The following SLC45A3 variants were observed in gnomAD, a reference collection of about 807,000 sequenced individuals.
SLC45A3 encodes prostate cancer associated protein 2.
SLC45A3 carries 17 observed loss-of-function variants against 35.3 expected under a neutral mutation model. The observed-to-expected ratio is 0.48, with a 90% CI of 0.33 to 0.72. The LOEUF is 0.72. Among genes scored for constraint, SLC45A3 ranks in the 30% least tolerant of loss-of-function variants. The pLI, the probability that SLC45A3 is intolerant of heterozygous loss-of-function variation, is 0.02. For missense variants in SLC45A3, 597 were observed against 731.7 expected, an observed-to-expected ratio of 0.82 and a Z score of 2.12; for synonymous variants, 288 against 334.3, an observed-to-expected ratio of 0.86 and a Z score of 1.51.
At chr1:205,668,520 CG>C (rs1266492948) in intron 1 of SLC45A3, among the ~76,000 whole-genome samples, 1 of 152,122 alleles carries the variant, frequency 6.6e-6, no homozygotes, top group African/African-American at 2.4e-5. Context: ...CCCAAGTCTG[CG>C]GAACTCCCCT....
intron 1 of SLC45A3, among the ~76,000 whole-genome samples, chr1:205,668,729 A>G (rs1167660877): frequency 6.6e-6 from 1 of 152,186 alleles, no homozygotes; most frequent in Non-Finnish European, 1.5e-5. Context: ...TCAGAAACGC[A>G]AGGAACAGGC....
chr1:205,679,221 G>A (rs1465349943), intron 1 of SLC45A3, among the ~76,000 whole-genome samples: 1 of 152,096 alleles, frequency 6.6e-6, no homozygotes, highest in Non-Finnish European at 1.5e-5. Flanking sequence ...GACCGGGTCT[G>A]TGTAACAGCT....
chr1:205,679,557 C>A (rs1671366051), intron 1 of SLC45A3, among the ~76,000 whole-genome samples: 1 of 152,290 alleles, frequency 6.6e-6, no homozygotes, highest in East Asian at 1.9e-4. Context: ...CTAGGTACCA[C>A]CACATCACAC....
chr1:205,660,539 G>A (rs76174744), intron 4 of SLC45A3, among the ~76,000 whole-genome samples: 2 of 152,208 alleles, frequency 1.3e-5, no homozygotes, highest in South Asian at 4.1e-4. Flanking sequence ...GGCTCACCAT[G>A]CAGCTCAACA....
Position 205,662,747 on chromosome 1 carries a change from G to A in SLC45A3, c.958+86C>T. Reference sequence around the variant, plus strand: ...TGACAGAGAAGTCGGGGCCAGGATGGAGAGGCACCAGCCCAGACACAGCCC... The same window carrying A: ...TGACAGAGAAGTCGGGGCCAGGATGAAGAGGCACCAGCCCAGACACAGCCC... On this transcript the variant is annotated intron_variant, in intron 3 of 4. Transcript: ENST00000367145. The surrounding 1 kb of genome is among the most constrained non-coding windows in gnomAD (Gnocchi z 6.2). The A allele has an allele frequency of 6.7e-7, 1 of 1,499,708 alleles. No homozygotes were observed. The highest frequency in any genetic ancestry group is 2.3e-5 in the East Asian group (1 of 43,746). The allele number at this position is 1,499,708 out of a possible 1,614,324, so 92.9% of individuals were successfully genotyped here.
rs1177745632 is a variant in SLC45A3 at position 205,662,281 on chromosome 1, A to G, written c.959-155T>C. The G allele has an allele frequency of 1.4e-6, 2 of 1,431,858 alleles. No homozygotes were observed. The highest frequency in any genetic ancestry group is 5.0e-5 in the East Asian group (2 of 39,762). 88.7% of individuals were successfully genotyped at this position (1,431,858 alleles called of 1,614,324 possible). On this transcript the variant is annotated intron_variant, in intron 3 of 4. Transcript: ENST00000367145. The surrounding 1 kb of genome is among the most constrained non-coding windows in gnomAD (Gnocchi z 6.2). The stretch of plus-strand genomic sequence containing the variant: ...CACCCTTCCCCTTTCTACCTCTAGC[A>G]ATGGGAGTCTAGGTTCTTCCACTGA...
At chr1:205,668,877 T>C (rs1671160608) in intron 1 of SLC45A3, among the ~76,000 whole-genome samples, 1 of 152,122 alleles carries the variant, frequency 6.6e-6, no homozygotes, top group Non-Finnish European at 1.5e-5. Context: ...CAGGTCATCC[T>C]TCCTCATCCT....
At chr1:205,678,415 C>G (rs1231530290) in intron 1 of SLC45A3, among the ~76,000 whole-genome samples, 1 of 152,210 alleles carries the variant, frequency 6.6e-6, no homozygotes, top group East Asian at 1.9e-4. Context: ...TTCAAGTTAA[C>G]TTTACTTTGA....
intron 1 of SLC45A3, among the ~76,000 whole-genome samples, chr1:205,665,800 A>G (rs919240364): frequency 4.6e-5 from 7 of 152,188 alleles, no homozygotes; most frequent in Non-Finnish European, 8.8e-5. Context: ...AGAAAGAACC[A>G]TCCTGTACCT....
Position 205,663,249 on chromosome 1 carries a change from A to G in SLC45A3, c.542T>C (p.Ile181Thr). 2 of 1,613,660 alleles carry G rather than the reference A, an allele frequency of 1.2e-6. No individual in the cohort carries two copies. Among genetic ancestry groups the G allele is most frequent in the Non-Finnish European group, 1.7e-6 (2 of 1,180,018 alleles). ...GGCCAGGGCACTGGTGTCCCAGTCAATGGCAGGCAGGAGGTAGCCCAGGCA... is the reference window on the plus strand; with the variant it reads ...GGCCAGGGCACTGGTGTCCCAGTCAGTGGCAGGCAGGAGGTAGCCCAGGCA... Reference protein sequence around the residue: ...GGCLGYLLPAIDWDTSALAPY... With the variant: ...GGCLGYLLPATDWDTSALAPY... Residue 181 changes from isoleucine to threonine, a missense_variant, in exon 3 of 5, where the codon ATT becomes ACT. By Grantham distance (89) the Ile-to-Thr change is moderately conservative. Transcript: ENST00000367145.
At chr1:205,670,104 C>T (rs573254853) in intron 1 of SLC45A3, among the ~76,000 whole-genome samples, 29 of 152,102 alleles carry the variant, frequency 1.9e-4, no homozygotes, top group African/African-American at 6.0e-4. Context: ...GCACTCCCCA[C>T]GAGCCCCACC....
At chr1:205,663,653 G>GTC in intron 2 of SLC45A3, 35 bp from the exon 3 acceptor site, 1 of 1,523,622 alleles carries the variant, frequency 6.6e-7, no homozygotes, top group Non-Finnish European at 8.8e-7. Context: ...TCAATGGCTG[G>GTC]GACAAGTAAA....
chr1:205,676,962 GT>G (rs1160406261), intron 1 of SLC45A3, among the ~76,000 whole-genome samples: 2 of 152,154 alleles, frequency 1.3e-5, no homozygotes, highest in Admixed American at 6.5e-5. Flanking sequence ...GCTAGGCTGG[GT>G]TTTTTTCTGG....
chr1:205,680,044 G>T (rs532129244), intron 1 of SLC45A3, among the ~76,000 whole-genome samples: 69 of 148,588 alleles, frequency 4.6e-4, no homozygotes, highest in African/African-American at 1.6e-3. Context: ...GCCCGGCCCG[G>T]TCCGGCCCGG....
intron 1 of SLC45A3, among the ~76,000 whole-genome samples, chr1:205,673,373 A>T (rs1671249270): frequency 6.6e-6 from 1 of 152,142 alleles, no homozygotes; most frequent in South Asian, 2.1e-4. Flanking sequence ...CCTTCCCCCC[A>T]TCCTGCCTTT....
chr1:205,665,618 T>C (rs1671106721), intron 1 of SLC45A3, among the ~76,000 whole-genome samples: 1 of 152,150 alleles, frequency 6.6e-6, no homozygotes, highest in Non-Finnish European at 1.5e-5. Context: ...CCACACCACC[T>C]GGCAATACCT....
Position 205,658,093 on chromosome 1 carries a change from C to T in SLC45A3, c.*1141G>A, listed in dbSNP as rs1034503608. On this transcript the variant is annotated 3_prime_UTR_variant, in exon 5 of 5. Transcript: ENST00000367145. The stretch of plus-strand genomic sequence containing the variant: ...TGAGATGGACAAAGGCTTGGGAAAC[C>T]GCACTTTGTGCTTCTGGTCCTGCAG... 1.8e-5 allele frequency: 4 copies of T among 225,064 alleles called. No individual in the cohort carries two copies. Among genetic ancestry groups the T allele is most frequent in the South Asian group, 1.8e-4 (1 of 5,438 alleles). 13.9% of individuals were successfully genotyped at this position (225,064 alleles called of 1,614,324 possible).
chr1:205,670,994 G>A (rs369348343), intron 1 of SLC45A3, among the ~76,000 whole-genome samples: 1 of 152,218 alleles, frequency 6.6e-6, no homozygotes, highest in African/African-American at 2.4e-5. Context: ...GGCTTTTGTT[G>A]CCCTGTCTGA....
chr1:205,664,679 C>T lies in SLC45A3; in HGVS notation c.-23G>A, dbSNP rs1671089642. The T allele has an allele frequency of 1.2e-6, 2 of 1,612,290 alleles. No individual in the cohort carries two copies. ...CATAGTGGGCCAGGCGGGTAGGGCTCAGGGGGCCGTTCAGGCACTCCAGAA... is the reference window on the plus strand; with the variant it reads ...CATAGTGGGCCAGGCGGGTAGGGCTTAGGGGGCCGTTCAGGCACTCCAGAA... On this transcript the variant is annotated 5_prime_UTR_variant, in exon 2 of 5. Coordinates refer to ENST00000367145, the MANE Select transcript of SLC45A3 (RefSeq NM_033102.3). The surrounding 1 kb of genome is among the most constrained non-coding windows in gnomAD (Gnocchi z 5.3).
Sources: allele counts gnomAD v4.1 joint callset (sites outside exome capture counted in the v4.1 genomes callset), GRCh38; gene constraint gnomAD v4.1.1; non-coding constraint Gnocchi (gnomAD v3.1); transcripts MANE v1.5; gene names NCBI Gene and HGNC (gene_info 2026-07-23, HGNC 2026-07-21).